ZFHX3: variants seen among roughly 807,000 people sequenced by gnomAD.
ZFHX3 encodes the protein zinc finger homeobox 3.
Under a neutral mutation model 279.1 loss-of-function variants are expected in ZFHX3, and 42 were observed. The observed-to-expected ratio is 0.15, with a 90% CI of 0.12 to 0.19. The LOEUF is 0.19. Ranked by LOEUF, ZFHX3 falls within the 10% of genes least tolerant of loss-of-function variation. The pLI, the probability that ZFHX3 is intolerant of heterozygous loss-of-function variation, is 1.00. For synonymous variants in ZFHX3, 2,293 were observed against 1,957.8 expected (o/e 1.17, Z -4.52); for missense variants, 4,981 against 4,754.0 (o/e 1.05, Z -1.40).
intron 2 of ZFHX3, among the ~76,000 whole-genome samples, chr16:73,492,385 A>C (rs1567500271): frequency 6.6e-6 from 1 of 152,192 alleles, no homozygotes; most frequent in East Asian, 1.9e-4. Context: ...TGTTGACTGG[A>C]ATCCACGTAA....
intron 2 of ZFHX3, among the ~76,000 whole-genome samples, chr16:73,514,773 G>A (rs1301208483): frequency 6.6e-6 from 1 of 152,112 alleles, no homozygotes; most frequent in Non-Finnish European, 1.5e-5. Context: ...AAAAGTCCAA[G>A]GAGGAAGGCT....
intron 2 of ZFHX3, among the ~76,000 whole-genome samples, chr16:73,527,228 G>T (rs1016335314): frequency 5.3e-5 from 8 of 152,168 alleles, no homozygotes; most frequent in Non-Finnish European, 1.0e-4. Flanking sequence ...AAGAGTTCAG[G>T]TGGTGAAGGT....
Position 73,723,967 on chromosome 16 carries a change from T to G in ZFHX3, c.-1607-43727A>C, listed in dbSNP as rs182529106. ...GCTTTGGCAGCATAGTAGATCGCCT[T>G]TGGTCTCTGATAAGGTGTTCACTGG... On this transcript the variant is annotated intron_variant, in intron 1 of 17. Coordinates refer to the ZFHX3 transcript ENST00000641206. 2.2e-3 allele frequency among the ~76,000 whole-genome samples: 338 copies of G among 152,304 alleles called. 1 individual carries two copies. Among genetic ancestry groups the G allele is most frequent in the African/African-American group, 7.6e-3 (315 of 41,580 alleles).
At chr16:73,242,718 A>C (rs2013161270) in intron 5 of ZFHX3, among the ~76,000 whole-genome samples, 1 of 152,206 alleles carries the variant, frequency 6.6e-6, no homozygotes, top group Non-Finnish European at 1.5e-5. Flanking sequence ...TGCAATAACG[A>C]GACAAGAAAG....
intron 1 of ZFHX3, among the ~76,000 whole-genome samples, chr16:73,011,857 T>G (rs1323391112): frequency 6.6e-6 from 1 of 152,022 alleles, no homozygotes; most frequent in East Asian, 1.9e-4. Flanking sequence ...GTGGGATACC[T>G]TTTTTTATCT....
chr16:73,273,051 G>A (rs891468049), intron 4 of ZFHX3, among the ~76,000 whole-genome samples: 2 of 152,024 alleles, frequency 1.3e-5, no homozygotes, highest in East Asian at 3.9e-4. Flanking sequence ...CCAGCCAAGG[G>A]TGTCTTTTGG....
At chr16:72,858,283 T>G (rs532748115) in intron 4 of ZFHX3, among the ~76,000 whole-genome samples, 1 of 152,338 alleles carries the variant, frequency 6.6e-6, no homozygotes, top group South Asian at 2.1e-4. Flanking sequence ...AACAGAAGGT[T>G]AATATAAGAG....
intron 3 of ZFHX3, among the ~76,000 whole-genome samples, chr16:72,894,925 C>G (rs557726029): frequency 2.6e-4 from 40 of 152,318 alleles, no homozygotes; most frequent in African/African-American, 9.1e-4. Flanking sequence ...TTACTCTGTG[C>G]TCACAATTCC....
At chr16:73,479,817 T>C (rs2018832565) in intron 2 of ZFHX3, among the ~76,000 whole-genome samples, 1 of 152,214 alleles carries the variant, frequency 6.6e-6, no homozygotes, top group East Asian at 1.9e-4. Context: ...ATGTGGCAGT[T>C]ACACATTCTC....
At chr16:73,856,230 CTTAT>C (rs1254949887) in intron 1 of ZFHX3, among the ~76,000 whole-genome samples, 1 of 152,044 alleles carries the variant, frequency 6.6e-6, no homozygotes, top group African/African-American at 2.4e-5. Context: ...GGGATTACAC[CTTAT>C]TTTTTATTTT....
At chr16:73,354,716 C>T (rs1242224782) in intron 3 of ZFHX3, among the ~76,000 whole-genome samples, 1 of 152,224 alleles carries the variant, frequency 6.6e-6, no homozygotes, top group Non-Finnish European at 1.5e-5. Flanking sequence ...ACCCTTCTTC[C>T]TGCCTGTCCT....
At chr16:73,039,776 C>T (rs548132378) in intron 1 of ZFHX3, among the ~76,000 whole-genome samples, 7 of 152,072 alleles carry the variant, frequency 4.6e-5, no homozygotes, top group Non-Finnish European at 1.0e-4. Flanking sequence ...GTCAGGCAAT[C>T]CTGCCTAGGC....
At chr16:73,308,379 C>T (rs1325434741) in intron 4 of ZFHX3, among the ~76,000 whole-genome samples, 3 of 151,250 alleles carry the variant, frequency 2.0e-5, no homozygotes, top group Admixed American at 2.0e-4. Flanking sequence ...CTGGGTTCTC[C>T]GCTCAATGCC....
intron 8 of ZFHX3, among the ~76,000 whole-genome samples, chr16:73,078,516 G>A (rs1254182662): frequency 6.6e-6 from 1 of 152,136 alleles, no homozygotes; most frequent in African/African-American, 2.4e-5. Flanking sequence ...AATCTCGTGA[G>A]CCTGAAATTT....
intron 5 of ZFHX3, among the ~76,000 whole-genome samples, chr16:73,203,919 A>G (rs947361540): frequency 1.3e-5 from 2 of 152,320 alleles, no homozygotes; most frequent in Non-Finnish European, 2.9e-5. Flanking sequence ...GAATTGTTCT[A>G]AGAATTAGCA....
chr16:73,350,070 C>T (rs1321788060), intron 3 of ZFHX3, among the ~76,000 whole-genome samples: 1 of 150,484 alleles, frequency 6.6e-6, no homozygotes, highest in Non-Finnish European at 1.5e-5. Context: ...CACCTTTCTC[C>T]ACACAGAGAA....
chr16:73,562,568 C>T lies in ZFHX3; in HGVS notation c.-1546-106310G>A, dbSNP rs199746386. On this transcript the variant is annotated intron_variant, in intron 2 of 17. Transcript: ENST00000641206. Reference sequence around the variant, plus strand: ...CCGAGATGGCGCCACTGAACTCCAGCCTGGGCGACAGAGCCAGACTCCGTC... The same window carrying T: ...CCGAGATGGCGCCACTGAACTCCAGTCTGGGCGACAGAGCCAGACTCCGTC... 8.4e-5 allele frequency among the ~76,000 whole-genome samples: 12 copies of T among 142,912 alleles called. No homozygotes were observed. The East Asian group carries it at 2.0e-3, about 24-fold the overall frequency. 93.8% of individuals were successfully genotyped at this position (142,912 alleles called of 152,430 possible). A position where few individuals can be genotyped will look rare whatever the true frequency, so the allele number is the denominator to read the frequency against.
chr16:72,916,485 C>T (rs2039446233), intron 3 of ZFHX3, among the ~76,000 whole-genome samples: 1 of 152,152 alleles, frequency 6.6e-6, no homozygotes, highest in African/African-American at 2.4e-5. Context: ...TGAACAGAGA[C>T]AGAAGTCATG....
chr16:73,227,536 G>A (rs539937387), intron 5 of ZFHX3, among the ~76,000 whole-genome samples: 1 of 152,160 alleles, frequency 6.6e-6, no homozygotes, highest in South Asian at 2.1e-4. Context: ...TTACAGAGAG[G>A]TAGGCTTATA....
Sources: gnomAD v4.1 joint callset for allele counts (sites outside exome capture counted in the v4.1 genomes callset) on GRCh38, gnomAD v4.1.1 for gene constraint, MANE v1.5 for transcripts, NCBI Gene and HGNC (gene_info 2026-07-23, HGNC 2026-07-21) for gene names.